Variants in CCSER2 observed in about 807,000 individuals in gnomAD.
CCSER2 encodes serine-rich coiled-coil domain-containing protein 2.
A neutral mutation model predicts 92.3 loss-of-function variants in CCSER2; 46 were observed. The observed-to-expected ratio is 0.50, with a 90% CI of 0.39 to 0.64. The LOEUF is 0.64. Ranked by LOEUF, CCSER2 falls within the 30% of genes least tolerant of loss-of-function variation. The pLI is 0.00. For missense variants in CCSER2, 1,244 were observed against 1,238.9 expected (o/e 1.00, Z -0.06); for synonymous variants, 433 against 431.4 (o/e 1.00, Z -0.04).
intron 6 of CCSER2, among the ~76,000 whole-genome samples, chr10:84,457,273 AATATATTATATATT>A (rs71013327): frequency 1.7e-4 from 12 of 69,650 alleles, no homozygotes; most frequent in African/African-American, 5.4e-4. Context: ...TATTATATAT[AATATATTATATATT>A]ATATATTATA....
chr10:84,440,934 C>A (rs1844495431), intron 6 of CCSER2, among the ~76,000 whole-genome samples: 1 of 152,156 alleles, frequency 6.6e-6, no homozygotes, highest in Non-Finnish European at 1.5e-5. Context: ...TTGTGTTTTG[C>A]CTGTTTTTAT....
chr10:84,492,928 T>C (rs1305683710), intron 9 of CCSER2, among the ~76,000 whole-genome samples: 2 of 152,338 alleles, frequency 1.3e-5, no homozygotes, highest in East Asian at 1.9e-4. Flanking sequence ...TTTTCTTTTG[T>C]TGTACTGTCT....
rs779946042 is a variant in CCSER2, at chr10:84,457,211, TATATTAC to T, written c.2065-6715_2065-6709del. Among the ~76,000 whole-genome samples, 788 of 114,632 alleles carry T rather than the reference TATATTAC, an allele frequency of 6.9e-3. 7 individuals are homozygous for T. Among genetic ancestry groups the T allele is most frequent in the African/African-American group, 0.024 (705 of 29,952 alleles). The allele number at this position is 114,632 out of a possible 152,430, so 75.2% of individuals were successfully genotyped here. A position where few individuals can be genotyped will look rare whatever the true frequency, so the allele number is the denominator to read the frequency against. Reference sequence around the variant, plus strand: ...TCCAGTCCATGTCTTCTTTTATATATATATTACATATTATATATAAATATATTATATA... The same window carrying T: ...TCCAGTCCATGTCTTCTTTTATATATATATTATATATAAATATATTATATA... On this transcript the variant is annotated intron_variant, in intron 6 of 9. Transcript: ENST00000372088.
At chr10:84,483,987 ATATATATATAAT>A (rs1564711663) in intron 9 of CCSER2, among the ~76,000 whole-genome samples, 439 of 41,702 alleles carry the variant, frequency 0.011, 1 homozygote, top group African/African-American at 0.049. Context: ...ATATATATAT[ATATATATATAAT>A]TTTTTTTTTT....
At chr10:84,405,821 A>G (rs1038336519) in intron 3 of CCSER2, among the ~76,000 whole-genome samples, 5 of 152,174 alleles carry the variant, frequency 3.3e-5, no homozygotes, top group African/African-American at 1.2e-4. Context: ...ATGCGGAGCA[A>G]CTAGAAGTCT....
At chr10:84,471,520 A>G (rs1846799867) in intron 8 of CCSER2, among the ~76,000 whole-genome samples, 1 of 152,150 alleles carries the variant, frequency 6.6e-6, no homozygotes, top group African/African-American at 2.4e-5. Flanking sequence ...TGAACCTCCT[A>G]TTTTATATCC....
intron 6 of CCSER2, among the ~76,000 whole-genome samples, chr10:84,445,172 G>A (rs578180453): frequency 6.6e-6 from 1 of 151,738 alleles, no homozygotes; most frequent in Non-Finnish European, 1.5e-5. Flanking sequence ...TTTTTTTTCT[G>A]AGTTGGAGTC....
chr10:84,425,778 C>T lies in CCSER2; in HGVS notation c.1753C>T (p.Arg585Trp), dbSNP rs780546894. The change falls in exon 5 of 10, where the codon CGG (arginine) becomes TGG (tryptophan). Residue 585 changes from arginine (R) to tryptophan (W), a missense_variant. By Grantham distance (101) the Arg-to-Trp change is moderately radical. Transcript: ENST00000372088. ...CTTTGACCGACCAGACAGAAATGTT[C>T]GGCAGCCTCAGGAAGGTTTTTGGAA... ...NRFDRPDRNV[R>W]QPQEGFWKRP... The T allele has an allele frequency of 2.5e-5, 40 of 1,613,372 alleles. No homozygotes were observed. In the Admixed American group the frequency reaches 2.7e-4, roughly 11 times the overall value.
intron 9 of CCSER2, among the ~76,000 whole-genome samples, chr10:84,479,538 G>C (rs1340972167): frequency 6.6e-6 from 1 of 152,180 alleles, no homozygotes; most frequent in Non-Finnish European, 1.5e-5. Context: ...AGTAGAAAAG[G>C]GGAAAGGAGG....
intron 5 of CCSER2, among the ~76,000 whole-genome samples, chr10:84,432,393 C>A (rs942686062): frequency 3.3e-5 from 5 of 152,130 alleles, no homozygotes; most frequent in African/African-American, 9.7e-5. Flanking sequence ...AATTTTTCAG[C>A]CCTTGCTCCT....
At chr10:84,391,465 T>C in intron 3 of CCSER2, 2 of 1,566,380 alleles carry the variant, frequency 1.3e-6, no homozygotes, top group Non-Finnish European at 1.8e-6. Context: ...TCACAAAAGC[T>C]TGCTTTCAGC....
At chr10:84,358,733 G>A (rs1033326829) in intron 1 of CCSER2, among the ~76,000 whole-genome samples, 4 of 150,728 alleles carry the variant, frequency 2.7e-5, no homozygotes, top group Non-Finnish European at 4.4e-5. Flanking sequence ...ACACAGACAC[G>A]TAATGTGATT....
In CCSER2 at chr10:84,516,170, G is replaced by A; in HGVS notation, c.*1903G>A. On this transcript the variant is annotated 3_prime_UTR_variant, in exon 10 of 10. Transcript: ENST00000372088. ...GTCTTTTAGTAGAAATTTGAAAGAA[G>A]TGTTTGCTACCATTTTGACCCATTA... 1 of 152,182 alleles carries A rather than the reference G, an allele frequency of 6.6e-6. No homozygotes were observed. 9.4% of individuals were successfully genotyped at this position (152,182 alleles called of 1,614,324 possible).
At position 84,396,735 on chromosome 10, in the gene CCSER2, C is replaced by T. The variant is rs143458807; in HGVS notation, c.1615-21036C>T. Among the ~76,000 whole-genome samples the T allele has an allele frequency of 5.2e-3, 797 of 152,194 alleles. 2 individuals carry two copies. Among genetic ancestry groups the T allele is most frequent in the African/African-American group, 0.018 (756 of 41,506 alleles). The stretch of plus-strand genomic sequence containing the variant: ...TATTTTTGGTAGAGATGGGGTTTCA[C>T]CATGTTGCCAAGGCTGGTCTTGAAC... On this transcript the variant is annotated intron_variant, in intron 3 of 9. Coordinates refer to ENST00000372088, the MANE Select transcript of CCSER2 (RefSeq NM_001284240.2).
chr10:84,472,801 C>G (rs1846897312), intron 8 of CCSER2, among the ~76,000 whole-genome samples: 1 of 152,084 alleles, frequency 6.6e-6, no homozygotes, highest in Non-Finnish European at 1.5e-5. Flanking sequence ...AAGAACAGGT[C>G]TCTTCATAGC....
rs1849594118 is a variant in CCSER2, at chr10:84,516,285, T to C, written c.*2018T>C. 1 of 152,250 alleles carries C rather than the reference T, an allele frequency of 6.6e-6. No homozygotes were observed. Among genetic ancestry groups the C allele is most frequent in the South Asian group, 2.1e-4 (1 of 4,838 alleles). 9.4% of individuals were successfully genotyped at this position (152,250 alleles called of 1,614,324 possible). ...GGTGAGCAAGACAAATCTTGTACCA[T>C]ACTCTTATGTACCAGCACTTCTGAT... On this transcript the variant is annotated 3_prime_UTR_variant, in exon 10 of 10. Coordinates refer to ENST00000372088, the MANE Select transcript of CCSER2 (RefSeq NM_001284240.2).
rs1232460163 is a variant in CCSER2, at chr10:84,517,183, T to G, written c.*2916T>G. On this transcript the variant is annotated 3_prime_UTR_variant, in exon 10 of 10. Coordinates refer to ENST00000372088, the MANE Select transcript of CCSER2 (RefSeq NM_001284240.2). ...TCCTGAGGAAGAAATTTTATGGGGT[T>G]TGTTAAGTTTCACATTCGTGAAAGA... The G allele has an allele frequency of 2.0e-5, 3 of 152,222 alleles. No individual in the cohort carries two copies. The highest frequency in any genetic ancestry group is 4.4e-5 in the Non-Finnish European group (3 of 68,028). 9.4% of individuals were successfully genotyped at this position (152,222 alleles called of 1,614,324 possible).
At chr10:84,358,189 A>G (rs926112444) in intron 1 of CCSER2, among the ~76,000 whole-genome samples, 3 of 152,200 alleles carry the variant, frequency 2.0e-5, no homozygotes, top group African/African-American at 7.2e-5. Context: ...GCCGTTGAGA[A>G]GCCAGATGGT....
intron 1 of CCSER2, among the ~76,000 whole-genome samples, chr10:84,357,416 A>G (rs931163888): frequency 5.3e-5 from 8 of 150,486 alleles, no homozygotes; most frequent in African/African-American, 1.7e-4. Context: ...GTATGGCCTC[A>G]TATTTCTTTT....
Sources: allele counts gnomAD v4.1 joint callset (sites outside exome capture counted in the v4.1 genomes callset), GRCh38; gene constraint gnomAD v4.1.1; transcripts MANE v1.5; gene names NCBI Gene and HGNC (gene_info 2026-07-23, HGNC 2026-07-21).